COL11A1: variants seen among roughly 807,000 people sequenced by gnomAD.
COL11A1 encodes collagen type XI alpha 1 chain.
Under a neutral mutation model 265.2 loss-of-function variants are expected in COL11A1, and 74 were observed. The observed-to-expected ratio is 0.28, with a 90% CI of 0.23 to 0.34. The LOEUF is 0.34. Ranked by LOEUF, COL11A1 falls within the 10% of genes least tolerant of loss-of-function variation. COL11A1 has a pLI of 1.00. For missense variants in COL11A1, 2,165 were observed against 2,263.6 expected (o/e 0.96, Z 0.88); for synonymous variants, 816 against 727.6 (o/e 1.12, Z -1.96).
intron 9 of COL11A1, among the ~76,000 whole-genome samples, chr1:103,019,832 C>T (rs78615735): frequency 0.077 from 11,500 of 148,610 alleles, 487 homozygotes; most frequent in Middle Eastern, 0.15. Context: ...AGTGAGAATA[C>T]GCAGTGTTTG....
At chr1:102,918,371 C>A (rs915800191) in intron 49 of COL11A1, among the ~76,000 whole-genome samples, 2 of 151,750 alleles carry the variant, frequency 1.3e-5, no homozygotes, top group African/African-American at 4.8e-5. Flanking sequence ...TTATTTATAG[C>A]AATTTTACAG....
chr1:102,965,210 G>A (rs574759116), intron 38 of COL11A1, among the ~76,000 whole-genome samples: 6 of 152,136 alleles, frequency 3.9e-5, no homozygotes, highest in African/African-American at 1.4e-4. Flanking sequence ...GTCATAGTCA[G>A]GCTTTAGTGT....
chr1:103,084,060 T>C (rs1343881283), intron 1 of COL11A1, among the ~76,000 whole-genome samples: 2 of 152,200 alleles, frequency 1.3e-5, no homozygotes, highest in Non-Finnish European at 2.9e-5. Flanking sequence ...GTTTTTGGTA[T>C]ATTGTACTAT....
intron 66 of COL11A1, among the ~76,000 whole-genome samples, chr1:102,878,532 T>C (rs1199542686): frequency 7.1e-6 from 1 of 140,630 alleles, no homozygotes; most frequent in Non-Finnish European, 1.5e-5. Flanking sequence ...TTTTTTTTTT[T>C]TGAGATGAAG....
intron 66 of COL11A1, among the ~76,000 whole-genome samples, chr1:102,878,785 A>G (rs944587578): frequency 6.6e-6 from 1 of 151,852 alleles, no homozygotes; most frequent in Non-Finnish European, 1.5e-5. Context: ...CTGGGATTAC[A>G]GGGGTAAGAC....
intron 41 of COL11A1, among the ~76,000 whole-genome samples, chr1:102,960,272 C>A (rs1289285372): frequency 6.6e-6 from 1 of 151,892 alleles, no homozygotes; most frequent in African/African-American, 2.4e-5. Flanking sequence ...GTTGTATTCC[C>A]AGTATTAAGT....
At chr1:102,883,370 T>C (rs1434761450) in intron 63 of COL11A1, 59 bp from the exon 64 acceptor site, 14 of 1,034,190 alleles carry the variant, frequency 1.4e-5, no homozygotes, top group Non-Finnish European at 2.1e-5. Context: ...GTTGAATGCA[T>C]TAGATGTCAA....
intron 54 of COL11A1, among the ~76,000 whole-genome samples, chr1:102,903,599 C>A (rs1653508797): frequency 6.6e-6 from 1 of 152,070 alleles, no homozygotes; most frequent in Admixed American, 6.6e-5. Context: ...TGTATTCAAC[C>A]AAAGCACAAG....
intron 4 of COL11A1, among the ~76,000 whole-genome samples, chr1:103,051,790 A>T (rs913959162): frequency 6.6e-6 from 1 of 152,200 alleles, no homozygotes; most frequent in Non-Finnish European, 1.5e-5. Flanking sequence ...AGCTAATAAC[A>T]ATCTCACATT....
intron 42 of COL11A1, among the ~76,000 whole-genome samples, chr1:102,944,074 GAAGCAGGGTTGATGGGTAGGTAGACC>G (rs1490555475): frequency 2.0e-4 from 30 of 152,204 alleles, no homozygotes; most frequent in African/African-American, 7.0e-4. Context: ...TCCATTCTAG[GAAGCAGGGTTGATGGGTAGGTAGACC>G]AAGGGCTTGT....
intron 31 of COL11A1, 39 bp downstream of exon 31, chr1:102,984,099 A>G: frequency 1.4e-6 from 2 of 1,381,468 alleles, no homozygotes; most frequent in South Asian, 1.2e-5. Context: ...TATTATCTTC[A>G]CGAAATGTTA....
At chr1:102,981,277 C>T (rs1021990174) in intron 31 of COL11A1, among the ~76,000 whole-genome samples, 20 of 152,022 alleles carry the variant, frequency 1.3e-4, no homozygotes, top group African/African-American at 4.8e-4. Context: ...GAAGAGCTTT[C>T]AAAATCTCTT....
intron 37 of COL11A1, among the ~76,000 whole-genome samples, chr1:102,966,841 A>C (rs2101603679): frequency 6.6e-6 from 1 of 152,202 alleles, no homozygotes; most frequent in East Asian, 1.9e-4. Context: ...TAAACCTCTA[A>C]TCAGTATGAG....
intron 15 of COL11A1, 64 bp from the exon 16 acceptor site, chr1:103,006,379 C>G (rs994530765): frequency 3.6e-5 from 45 of 1,262,554 alleles, no homozygotes; most frequent in Non-Finnish European, 4.9e-5. Flanking sequence ...TCAATAGCAT[C>G]AAGAGAGATG....
chr1:102,945,375 C>T (rs1332397632), intron 42 of COL11A1, among the ~76,000 whole-genome samples: 1 of 151,776 alleles, frequency 6.6e-6, no homozygotes, highest in Admixed American at 6.6e-5. Context: ...TTTCCATCCA[C>T]CAGCACCATG....
chr1:103,070,722 T>C (rs545569956), intron 4 of COL11A1, among the ~76,000 whole-genome samples: 4 of 151,978 alleles, frequency 2.6e-5, no homozygotes, highest in Admixed American at 6.6e-5. Context: ...TCAATAAATT[T>C]AGAAAAAAAA....
intron 4 of COL11A1, among the ~76,000 whole-genome samples, chr1:103,072,576 A>T (rs927451775): frequency 2.0e-5 from 3 of 151,842 alleles, no homozygotes; most frequent in African/African-American, 7.2e-5. Context: ...AACCAAAAAT[A>T]AAAGGAAAAA....
chr1:103,052,794 C>A (rs889408025), intron 4 of COL11A1, among the ~76,000 whole-genome samples: 2 of 152,026 alleles, frequency 1.3e-5, no homozygotes, highest in African/African-American at 4.8e-5. Context: ...CTATAAACAC[C>A]GTGACAAACT....
chr1:103,022,734 C>A lies in COL11A1; in HGVS notation c.1245+8G>T. The A allele has an allele frequency of 6.2e-7, 1 of 1,613,512 alleles. No homozygotes were observed. Among genetic ancestry groups the A allele is most frequent in the Non-Finnish European group, 8.5e-7 (1 of 1,179,912 alleles). On this transcript the variant is annotated splice_region_variant and intron_variant, in intron 8 of 66. Coordinates refer to ENST00000370096, the MANE Select transcript of COL11A1 (RefSeq NM_001854.4). Reference sequence around the variant, plus strand: ...CATACAATGACACAGTGCATAGTATCAACTTACGCTTGTTTCTGTAATATC... The same window carrying A: ...CATACAATGACACAGTGCATAGTATAAACTTACGCTTGTTTCTGTAATATC...
Sources: gnomAD v4.1 joint callset for allele counts (sites outside exome capture counted in the v4.1 genomes callset) on GRCh38, gnomAD v4.1.1 for gene constraint, MANE v1.5 for transcripts, NCBI Gene and HGNC (gene_info 2026-07-23, HGNC 2026-07-21) for gene names.